Variants in CADM1 observed in about 807,000 individuals in gnomAD.
CADM1 encodes TSLC-1.
A neutral mutation model predicts 53.1 loss-of-function variants in CADM1; 15 were observed. The observed-to-expected ratio is 0.28, with a 90% CI of 0.19 to 0.44. The LOEUF is 0.44. Among genes scored for constraint, CADM1 ranks in the 20% least tolerant of loss-of-function variants. The probability of loss-of-function intolerance (pLI) is 1.00; values close to 1 mark genes in which losing one functional copy is unlikely to be tolerated. For synonymous variants in CADM1, 281 were observed against 243.0 expected, an observed-to-expected ratio of 1.16 and a Z score of -1.45; for missense variants, 434 against 611.3, an observed-to-expected ratio of 0.71 and a Z score of 3.06.
intron 1 of CADM1, among the ~76,000 whole-genome samples, chr11:115,470,717 T>C (rs571652172): frequency 2.6e-4 from 40 of 152,216 alleles, no homozygotes; most frequent in Non-Finnish European, 4.9e-4. Flanking sequence ...TTAAGTGTGC[T>C]GTCCTGGTAG....
In CADM1 at chr11:115,471,025, G is replaced by T. The variant is rs1948999512; in HGVS notation, c.124+33246C>A. The stretch of plus-strand genomic sequence containing the variant: ...ACACCCTCCAACATCAGAGGAGAGG[G>T]AATTAATGAATACCCTGAGTAGCCT... On this transcript the variant is annotated intron_variant, in intron 1 of 11. Coordinates refer to ENST00000331581, the MANE Select transcript of CADM1 (RefSeq NM_001301043.2). Among the ~76,000 whole-genome samples, 2 of 152,166 alleles carry T rather than the reference G, an allele frequency of 1.3e-5. 1 individual carries two copies. The highest frequency in any genetic ancestry group is 4.1e-4 in the South Asian group (2 of 4,820).
intron 1 of CADM1, among the ~76,000 whole-genome samples, chr11:115,438,524 T>TAA (rs148570903): frequency 0.11 from 16,973 of 151,020 alleles, 1,232 homozygotes; most frequent in Non-Finnish European, 0.16. Context: ...TTGGGAAATG[T>TAA]AAAAAAAAAT....
intron 1 of CADM1, among the ~76,000 whole-genome samples, chr11:115,420,479 T>C (rs1467472597): frequency 6.6e-6 from 1 of 152,178 alleles, no homozygotes; most frequent in East Asian, 1.9e-4. Flanking sequence ...GGACATTTAA[T>C]TCCTCAGCTG....
intron 1 of CADM1, among the ~76,000 whole-genome samples, chr11:115,270,024 TAA>T (rs753618342): frequency 1.2e-4 from 18 of 152,318 alleles, no homozygotes; most frequent in Admixed American, 2.6e-4. Flanking sequence ...AGGATTTGTG[TAA>T]AAGTGTGCAG....
At chr11:115,209,526 A>C (rs539576230) in intron 8 of CADM1, 48 bp downstream of exon 8, 14 of 1,610,944 alleles carry the variant, frequency 8.7e-6, no homozygotes, top group Non-Finnish European at 1.2e-5. Context: ...CATACCAGAA[A>C]GACAATATAC....
intron 8 of CADM1, among the ~76,000 whole-genome samples, chr11:115,206,562 TCCTGGTTACGGAAGATAAAAGATAAC>T (rs1027985939): frequency 4.6e-5 from 7 of 152,164 alleles, no homozygotes; most frequent in African/African-American, 1.7e-4. Flanking sequence ...AATTTGATTA[TCCTGGTTACGGAAGATAAAAGATAAC>T]ACTGGAACAC....
intron 1 of CADM1, among the ~76,000 whole-genome samples, chr11:115,354,703 A>G (rs1945819584): frequency 6.6e-6 from 1 of 152,208 alleles, no homozygotes; most frequent in African/African-American, 2.4e-5. Context: ...GTTTATGTAT[A>G]TCACATATAT....
At position 115,173,686 on chromosome 11, in the gene CADM1, TTTC is replaced by T. The variant is rs1480646626; in HGVS notation, c.*2785_*2787del. On this transcript the variant is annotated 3_prime_UTR_variant, in exon 12 of 12. Transcript: ENST00000331581. ...CAGATATTTTATAGTACTTCTTTTTTTTCTTTTTTTTTTTGTAAAAATGGTATA... is the reference window on the plus strand; with the variant it reads ...CAGATATTTTATAGTACTTCTTTTTTTTTTTTTTTTTGTAAAAATGGTATA... 314 of 553,280 alleles carry T rather than the reference TTTC, an allele frequency of 5.7e-4. No individual in the cohort carries two copies. Among genetic ancestry groups the T allele is most frequent in the Middle Eastern group, 9.5e-4 (1 of 1,052 alleles). The allele number at this position is 553,280 out of a possible 1,614,324, so 34.3% of individuals were successfully genotyped here.
At chr11:115,178,511 T>A in intron 11 of CADM1, 133 bp downstream of exon 11, 7 of 665,586 alleles carry the variant, frequency 1.1e-5, no homozygotes, top group Admixed American at 1.9e-5. Context: ...CTCTTCTCTC[T>A]CTTCCAGTTT....
chr11:115,205,783 A>C (rs1940646696), intron 8 of CADM1, among the ~76,000 whole-genome samples: 1 of 152,218 alleles, frequency 6.6e-6, no homozygotes, highest in African/African-American at 2.4e-5. Flanking sequence ...CCTCGTGGCA[A>C]ATCATAGTGA....
At chr11:115,228,687 T>C (rs1941704180) in intron 5 of CADM1, among the ~76,000 whole-genome samples, 1 of 152,084 alleles carries the variant, frequency 6.6e-6, no homozygotes, top group African/African-American at 2.4e-5. Flanking sequence ...ATTGCTCTAA[T>C]TTAAGCTAAA....
At chr11:115,442,397 C>T (rs191757814) in intron 1 of CADM1, among the ~76,000 whole-genome samples, 93 of 152,244 alleles carry the variant, frequency 6.1e-4, no homozygotes, top group African/African-American at 2.1e-3. Context: ...CAAATCCCAA[C>T]ACTCCACCCC....
At chr11:115,462,496 C>T (rs1326397564) in intron 1 of CADM1, among the ~76,000 whole-genome samples, 1 of 152,074 alleles carries the variant, frequency 6.6e-6, no homozygotes, top group Middle Eastern at 3.2e-3. Context: ...TAAGGTGTAC[C>T]GACATCATCA....
At chr11:115,328,446 T>G (rs1945016994) in intron 1 of CADM1, among the ~76,000 whole-genome samples, 1 of 151,700 alleles carries the variant, frequency 6.6e-6, no homozygotes, top group South Asian at 2.1e-4. Flanking sequence ...CTAGTTAAGT[T>G]ATACATGTCT....
chr11:115,433,101 T>C (rs1025903844), intron 1 of CADM1, among the ~76,000 whole-genome samples: 1 of 152,194 alleles, frequency 6.6e-6, no homozygotes, highest in Non-Finnish European at 1.5e-5. Context: ...TTTGGAGTTT[T>C]GGTGGTGGGG....
intron 1 of CADM1, among the ~76,000 whole-genome samples, chr11:115,273,162 A>T (rs1440391801): frequency 6.6e-6 from 1 of 152,218 alleles, no homozygotes; most frequent in Non-Finnish European, 1.5e-5. Context: ...ACTAAGAATA[A>T]AACTGTTTTG....
At chr11:115,305,464 T>C (rs1458247243) in intron 1 of CADM1, among the ~76,000 whole-genome samples, 3 of 152,022 alleles carry the variant, frequency 2.0e-5, no homozygotes, top group Non-Finnish European at 4.4e-5. Flanking sequence ...TTTTTGCTTT[T>C]TTGTCCTTTT....
At chr11:115,262,732 T>G (rs1035490097) in intron 1 of CADM1, among the ~76,000 whole-genome samples, 1 of 152,166 alleles carries the variant, frequency 6.6e-6, no homozygotes, top group Admixed American at 6.5e-5. Context: ...AATGAATGAG[T>G]TGATAAATGA....
rs538151514 is a variant in CADM1 at position 115,277,548 on chromosome 11, T to C, written c.125-37128A>G. Among the ~76,000 whole-genome samples the C allele has an allele frequency of 7.2e-5, 11 of 152,306 alleles. No homozygotes were observed. In the South Asian group the frequency reaches 2.3e-3, roughly 32 times the overall value. On this transcript the variant is annotated intron_variant, in intron 1 of 11. Transcript: ENST00000331581. The stretch of plus-strand genomic sequence containing the variant: ...AATACAATTACTAGGGTCGAGTAAT[T>C]GTGAAAGATGAGAGGAAAGAAGCTC...
Sources: allele counts gnomAD v4.1 joint callset (sites outside exome capture counted in the v4.1 genomes callset), GRCh38; gene constraint gnomAD v4.1.1; transcripts MANE v1.5; gene names NCBI Gene and HGNC (gene_info 2026-07-23, HGNC 2026-07-21).